The following SOX5 variants were observed in gnomAD, a reference collection of about 807,000 sequenced individuals.
SOX5 encodes transcription factor SOX-5.
In SOX5, 9 loss-of-function variants were observed where a neutral mutation model predicts 92.0. The observed-to-expected ratio is 0.10, with a 90% CI of 0.06 to 0.17. SOX5 has a LOEUF of 0.17. Among genes scored for constraint, SOX5 ranks in the 10% least tolerant of loss-of-function variants. The pLI, the probability that SOX5 is intolerant of heterozygous loss-of-function variation, is 1.00. For synonymous variants in SOX5, 344 were observed against 336.3 expected (o/e 1.02, Z -0.25); for missense variants, 642 against 944.5 (o/e 0.68, Z 4.20).
chr12:24,291,404 G>A (rs560202690), intron 2 of SOX5, among the ~76,000 whole-genome samples: 1 of 152,314 alleles, frequency 6.6e-6, no homozygotes. Flanking sequence ...TAGTTCTCAC[G>A]AATGTCTCTG....
chr12:24,357,719 T>C (rs1242175720), intron 2 of SOX5, among the ~76,000 whole-genome samples: 4 of 151,986 alleles, frequency 2.6e-5, no homozygotes, highest in African/African-American at 7.2e-5. Flanking sequence ...GGCGTGGGCC[T>C]GTAATCCCAG....
intron 4 of SOX5, among the ~76,000 whole-genome samples, chr12:24,195,685 T>C (rs1046785930): frequency 1.3e-5 from 2 of 152,196 alleles, no homozygotes; most frequent in African/African-American, 2.4e-5. Context: ...CCCGCTCTTA[T>C]GGAGCTAAGT....
At chr12:23,770,361 C>A (rs1458307768) in intron 3 of SOX5, among the ~76,000 whole-genome samples, 1 of 151,912 alleles carries the variant, frequency 6.6e-6, no homozygotes, top group Admixed American at 6.6e-5. Flanking sequence ...CATAACTGAG[C>A]CAAAAAGGAC....
chr12:23,976,279 C>A (rs1948876322), intron 4 of SOX5, among the ~76,000 whole-genome samples: 1 of 150,642 alleles, frequency 6.6e-6, no homozygotes, highest in Non-Finnish European at 1.5e-5. Flanking sequence ...TTGTTTAATT[C>A]TTGGAGAAAT....
chr12:23,845,908 A>C, intron 3 of SOX5, 75 bp downstream of exon 3: 1 of 1,238,620 alleles, frequency 8.1e-7, no homozygotes, highest in Non-Finnish European at 1.2e-6. Flanking sequence ...AAATCAAAAA[A>C]CAAATCAAGA....
At chr12:24,357,859 G>C (rs560040) in intron 2 of SOX5, among the ~76,000 whole-genome samples, 3 of 144,600 alleles carry the variant, frequency 2.1e-5, no homozygotes, top group African/African-American at 7.5e-5. Flanking sequence ...AAAAAAGAAA[G>C]AAGAAAAAAG....
intron 8 of SOX5, among the ~76,000 whole-genome samples, chr12:23,617,948 CA>C (rs2076763097): frequency 6.6e-6 from 1 of 152,146 alleles, no homozygotes; most frequent in Non-Finnish European, 1.5e-5. Context: ...CACAGTAATC[CA>C]TTACAATATG....
intron 2 of SOX5, among the ~76,000 whole-genome samples, chr12:24,281,931 A>C (rs1372182708): frequency 2.0e-5 from 3 of 152,200 alleles, no homozygotes; most frequent in Non-Finnish European, 4.4e-5. Context: ...CCCAAAAAAG[A>C]GGGTAAGAGG....
At chr12:24,255,252 G>T (rs1052781498) in intron 3 of SOX5, among the ~76,000 whole-genome samples, 1 of 152,076 alleles carries the variant, frequency 6.6e-6, no homozygotes, top group African/African-American at 2.4e-5. Context: ...GTAAGCTTTT[G>T]TTGTCTCCCA....
intron 2 of SOX5, among the ~76,000 whole-genome samples, chr12:24,344,126 T>C (rs1952911845): frequency 6.6e-6 from 1 of 151,660 alleles, no homozygotes; most frequent in African/African-American, 2.4e-5. Flanking sequence ...CTACTAAAAA[T>C]ACAAAAATTA....
At chr12:24,323,341 A>T (rs1468454211) in intron 2 of SOX5, among the ~76,000 whole-genome samples, 3 of 150,972 alleles carry the variant, frequency 2.0e-5, no homozygotes, top group African/African-American at 4.8e-5. Context: ...ATAACATTAT[A>T]TATTAAGTTA....
At chr12:23,787,233 T>C (rs1489653605) in intron 3 of SOX5, among the ~76,000 whole-genome samples, 1 of 152,018 alleles carries the variant, frequency 6.6e-6, no homozygotes, top group Non-Finnish European at 1.5e-5. Flanking sequence ...AACAAGCATT[T>C]AGGATATATG....
At chr12:23,792,749 T>C (rs1416815268) in intron 3 of SOX5, among the ~76,000 whole-genome samples, 1 of 151,546 alleles carries the variant, frequency 6.6e-6, no homozygotes, top group Non-Finnish European at 1.5e-5. Context: ...TATGTGATGA[T>C]TTAAACTGCT....
chr12:23,789,165 G>C (rs2095428370), intron 3 of SOX5, among the ~76,000 whole-genome samples: 1 of 151,672 alleles, frequency 6.6e-6, no homozygotes, highest in Non-Finnish European at 1.5e-5. Context: ...AACTGAACGA[G>C]TGACTAGATC....
chr12:23,829,160 G>C (rs1216442431), intron 3 of SOX5, among the ~76,000 whole-genome samples: 1 of 151,896 alleles, frequency 6.6e-6, no homozygotes, highest in Non-Finnish European at 1.5e-5. Context: ...ACCCAAACAG[G>C]CCTATTTAAT....
intron 1 of SOX5, among the ~76,000 whole-genome samples, chr12:24,546,058 T>C (rs1469670889): frequency 6.6e-6 from 1 of 152,210 alleles, no homozygotes; most frequent in Non-Finnish European, 1.5e-5. Context: ...CGGGAAACTC[T>C]GACATGACTG....
Position 23,916,374 on chromosome 12 carries a change from G to T in SOX5, c.39-20350C>A, listed in dbSNP as rs528982197. Among the ~76,000 whole-genome samples the T allele has an allele frequency of 2.6e-5, 4 of 152,220 alleles. No individual in the cohort carries two copies. In the South Asian group the frequency reaches 8.3e-4, roughly 32 times the overall value. On this transcript the variant is annotated intron_variant, in intron 1 of 14. Transcript: ENST00000451604. The stretch of plus-strand genomic sequence containing the variant: ...ATCAATAGAAAATGTGCAGTTCCAG[G>T]TAGATTTCTGCAGGCTATCAGCAAA...
At chr12:24,286,147 C>CA (rs372312715) in intron 2 of SOX5, among the ~76,000 whole-genome samples, 9 of 152,178 alleles carry the variant, frequency 5.9e-5, no homozygotes, top group Admixed American at 1.3e-4. Flanking sequence ...CAATGTTTGA[C>CA]AATCACAATG....
At chr12:23,871,322 T>G (rs1381875523) in intron 2 of SOX5, among the ~76,000 whole-genome samples, 3 of 152,296 alleles carry the variant, frequency 2.0e-5, no homozygotes, top group Admixed American at 2.0e-4. Context: ...AAAAATAACT[T>G]TATCTTTGTT....
Sources: gnomAD v4.1 joint callset for allele counts (sites outside exome capture counted in the v4.1 genomes callset) on GRCh38, gnomAD v4.1.1 for gene constraint, MANE v1.5 for transcripts, NCBI Gene and HGNC (gene_info 2026-07-23, HGNC 2026-07-21) for gene names.